CACNA1D: variants seen among roughly 807,000 people sequenced by gnomAD.
The protein encoded by CACNA1D is calcium voltage-gated channel subunit alpha1 D.
A neutral mutation model predicts 257.1 loss-of-function variants in CACNA1D; 55 were observed. That is an observed-to-expected ratio of 0.21 (90% CI 0.17 to 0.27). CACNA1D has a LOEUF of 0.27. Ranked by LOEUF, CACNA1D falls within the 10% of genes least tolerant of loss-of-function variation. The pLI is 1.00. For missense variants in CACNA1D, 1,876 were observed against 2,784.0 expected, an observed-to-expected ratio of 0.67 and a Z score of 7.34; for synonymous variants, 980 against 1,014.9, an observed-to-expected ratio of 0.97 and a Z score of 0.65.
chr3:53,577,323 G>T (rs998409163), intron 3 of CACNA1D, among the ~76,000 whole-genome samples: 4 of 152,178 alleles, frequency 2.6e-5, no homozygotes, highest in Admixed American at 1.3e-4. Context: ...ATTCCAGGGG[G>T]TGCTGGGGAG....
At chr3:53,780,970 CCTAA>C (rs1178110143) in intron 38 of CACNA1D, among the ~76,000 whole-genome samples, 2 of 152,248 alleles carry the variant, frequency 1.3e-5, no homozygotes, top group Non-Finnish European at 2.9e-5. Context: ...CCTCTTCCAG[CCTAA>C]CTAACAGGGG....
intron 34 of CACNA1D, among the ~76,000 whole-genome samples, chr3:53,775,360 T>C (rs1483354921): frequency 6.6e-6 from 1 of 152,146 alleles, no homozygotes; most frequent in Non-Finnish European, 1.5e-5. Context: ...GTGGATCGCT[T>C]GAGCCCAGGA....
chr3:53,775,081 A>T (rs1483936226), intron 34 of CACNA1D, among the ~76,000 whole-genome samples: 1 of 152,218 alleles, frequency 6.6e-6, no homozygotes, highest in East Asian at 1.9e-4. Flanking sequence ...GTATGATTTC[A>T]AATTTTTTGG....
chr3:53,755,054 C>T (rs142489799), intron 29 of CACNA1D, among the ~76,000 whole-genome samples: 127 of 152,324 alleles, frequency 8.3e-4, no homozygotes, highest in African/African-American at 3.0e-3. Context: ...TAAACATTTC[C>T]TCCTTTTCCA....
intron 8 of CACNA1D, among the ~76,000 whole-genome samples, chr3:53,682,028 C>T (rs1177515142): frequency 6.6e-6 from 1 of 152,022 alleles, no homozygotes; most frequent in Non-Finnish European, 1.5e-5. Context: ...ATCCAGGTCA[C>T]GTAGGACCTT....
chr3:53,589,924 T>C (rs1191333284), intron 3 of CACNA1D, among the ~76,000 whole-genome samples: 2 of 152,200 alleles, frequency 1.3e-5, no homozygotes, highest in Non-Finnish European at 2.9e-5. Flanking sequence ...TCTAACTTAG[T>C]GTGCTCCTCA....
chr3:53,603,954 T>A (rs1433223857), intron 3 of CACNA1D, among the ~76,000 whole-genome samples: 1 of 152,202 alleles, frequency 6.6e-6, no homozygotes, highest in Non-Finnish European at 1.5e-5. Flanking sequence ...TTGGTTATAT[T>A]TAATGGGATG....
chr3:53,742,408 G>A (rs937275634), intron 21 of CACNA1D, among the ~76,000 whole-genome samples: 3 of 152,224 alleles, frequency 2.0e-5, no homozygotes, highest in Non-Finnish European at 2.9e-5. Flanking sequence ...GCACAGAGCC[G>A]TTGAGACTGG....
intron 3 of CACNA1D, among the ~76,000 whole-genome samples, chr3:53,619,453 C>T (rs2093672538): frequency 6.6e-6 from 1 of 152,196 alleles, no homozygotes; most frequent in Non-Finnish European, 1.5e-5. Context: ...GAAATTATAA[C>T]CAGTGCTCCT....
At chr3:53,736,836 T>C in intron 20 of CACNA1D, among the ~76,000 whole-genome samples, 1 of 151,168 alleles carries the variant, frequency 6.6e-6, no homozygotes, top group Non-Finnish European at 1.5e-5. Flanking sequence ...TGAAGTCAGC[T>C]GTGTTCACAC....
intron 3 of CACNA1D, among the ~76,000 whole-genome samples, chr3:53,588,112 C>CT: frequency 6.6e-6 from 1 of 152,334 alleles, no homozygotes; most frequent in Non-Finnish European, 1.5e-5. Flanking sequence ...AGAACACACA[C>CT]TTTTATGACT....
chr3:53,672,895 G>A, intron 7 of CACNA1D, 128 bp from the exon 8 acceptor site: 1 of 635,198 alleles, frequency 1.6e-6, no homozygotes, highest in Non-Finnish European at 2.8e-6. Context: ...TTTGGCTACT[G>A]TTGTTTCTGA....
intron 3 of CACNA1D, among the ~76,000 whole-genome samples, chr3:53,585,454 C>G (rs961580050): frequency 2.0e-5 from 3 of 152,138 alleles, no homozygotes; most frequent in Non-Finnish European, 2.9e-5. Flanking sequence ...TAACCACCAA[C>G]AAAAAACCCA....
chr3:53,803,292 C>T, intron 43 of CACNA1D, 131 bp from the exon 44 acceptor site: 1 of 936,668 alleles, frequency 1.1e-6, no homozygotes, highest in Non-Finnish European at 1.7e-6. Flanking sequence ...TCCAGTGCTG[C>T]CTGAGGCAGG....
At chr3:53,605,012 A>G (rs1410052996) in intron 3 of CACNA1D, among the ~76,000 whole-genome samples, 1 of 152,108 alleles carries the variant, frequency 6.6e-6, no homozygotes, top group African/African-American at 2.4e-5. Flanking sequence ...TTTCTCCTCT[A>G]CTCAAGAAGG....
intron 22 of CACNA1D, 30 bp from the exon 23 acceptor site, chr3:53,744,710 C>G (rs373300842): frequency 4.9e-6 from 6 of 1,231,946 alleles, no homozygotes; most frequent in Non-Finnish European, 7.2e-6. Context: ...ATAACACGCT[C>G]TGCCTGCCGT....
At chr3:53,592,351 T>G (rs148311408) in intron 3 of CACNA1D, among the ~76,000 whole-genome samples, 2,457 of 151,854 alleles carry the variant, frequency 0.016, 31 homozygotes, top group African/African-American at 0.026. Context: ...TGTGTGTGTG[T>G]GGGGGAAGGA....
chr3:53,802,072 G>A, intron 42 of CACNA1D, 75 bp from the exon 43 acceptor site: 2 of 1,283,640 alleles, frequency 1.6e-6, no homozygotes, highest in East Asian at 2.3e-5. Flanking sequence ...GTAGCCTGAT[G>A]TTTGCATTGT....
chr3:53,602,427 A>G (rs1228624841), intron 3 of CACNA1D, among the ~76,000 whole-genome samples: 2 of 152,200 alleles, frequency 1.3e-5, no homozygotes, highest in South Asian at 4.1e-4. Flanking sequence ...GGGAATTTAG[A>G]TATCTCTTTG....
Sources: allele counts gnomAD v4.1 joint callset (sites outside exome capture counted in the v4.1 genomes callset), GRCh38; gene constraint gnomAD v4.1.1; transcripts MANE v1.5; gene names NCBI Gene and HGNC (gene_info 2026-07-23, HGNC 2026-07-21).